The following FAM135B variants were observed in gnomAD, a reference collection of about 807,000 sequenced individuals.
The protein encoded by FAM135B is family with sequence similarity 135 member B, also known as protein FAM135B.
Under a neutral mutation model 127.7 loss-of-function variants are expected in FAM135B, and 43 were observed. The observed-to-expected ratio is 0.34, with a 90% CI of 0.26 to 0.43. FAM135B has a LOEUF of 0.43. Ranked by LOEUF, FAM135B falls within the 20% of genes least tolerant of loss-of-function variation. The pLI is 1.00. For missense variants in FAM135B, 1,558 were observed against 1,725.6 expected (o/e 0.90, Z 1.72); for synonymous variants, 670 against 665.1 (o/e 1.01, Z -0.11).
In FAM135B at chr8:138,177,423, G is replaced by A. The variant is rs1348775563; in HGVS notation, c.1030-3C>T. 6.2e-7 allele frequency: 1 copy of A among 1,612,294 alleles called. No homozygotes were observed. Among genetic ancestry groups the A allele is most frequent in the Admixed American group, 1.7e-5 (1 of 59,922 alleles). ...AAGGCCTCAGAAAACCTTCGGACCT[G>A]CAGAATAAAACAATGTAAACAGTTC... On this transcript the variant is annotated splice_polypyrimidine_tract_variant and splice_region_variant and intron_variant, in intron 10 of 19. Coordinates refer to ENST00000395297, the MANE Select transcript of FAM135B (RefSeq NM_015912.4).
chr8:138,394,091 G>A (rs1832735049), intron 1 of FAM135B, among the ~76,000 whole-genome samples: 2 of 152,274 alleles, frequency 1.3e-5, no homozygotes, highest in Middle Eastern at 6.8e-3. Context: ...CAGGGACTGT[G>A]GTCCTTCAGC....
Position 138,132,483 on chromosome 8 carries a change from C to T in FAM135B, c.*110G>A. ...CAGGTTCCACCCGAGCCTCCGTCCC[C>T]CAATGCTGTTGAAGCTTCATTCTGA... On this transcript the variant is annotated 3_prime_UTR_variant, in exon 20 of 20. Coordinates refer to ENST00000395297, the MANE Select transcript of FAM135B (RefSeq NM_015912.4). The surrounding 1 kb of genome is among the most constrained non-coding windows in gnomAD (Gnocchi z 4.5). 1 of 905,940 alleles carries T rather than the reference C, an allele frequency of 1.1e-6. No homozygotes were observed. Among genetic ancestry groups the T allele is most frequent in the Non-Finnish European group, 1.7e-6 (1 of 571,866 alleles). The allele number at this position is 905,940 out of a possible 1,614,324, so 56.1% of individuals were successfully genotyped here.
intron 15 of FAM135B, 150 bp from the exon 16 acceptor site, chr8:138,143,259 A>C (rs751598762): frequency 3.5e-5 from 20 of 573,304 alleles, no homozygotes; most frequent in Non-Finnish European, 5.6e-5. Context: ...ATATGACTTC[A>C]GGACAAAAGG....
rs1820841843 is a variant in FAM135B at position 138,242,163 on chromosome 8, CTTTG to C, written c.669+775_669+778del. The stretch of plus-strand genomic sequence containing the variant: ...TGAGTCAATTACTTATGATAAATCT[CTTTG>C]TGTGTGTGTGTGTGTGTGTGTGTGT... On this transcript the variant is annotated intron_variant, in intron 7 of 19. Coordinates refer to ENST00000395297, the MANE Select transcript of FAM135B (RefSeq NM_015912.4). The surrounding 1 kb of genome is among the most constrained non-coding windows in gnomAD (Gnocchi z 9.6). 8.4e-6 allele frequency among the ~76,000 whole-genome samples: 1 copy of C among 118,356 alleles called. No homozygotes were observed. Among genetic ancestry groups the C allele is most frequent in the Non-Finnish European group, 1.7e-5 (1 of 57,164 alleles). 77.6% of individuals were successfully genotyped at this position (118,356 alleles called of 152,430 possible).
chr8:138,490,752 G>A (rs6577928), intron 1 of FAM135B, among the ~76,000 whole-genome samples: 116,971 of 152,134 alleles, frequency 0.77, 46,082 homozygotes, highest in East Asian at 0.99. Context: ...ACTGTAAGTT[G>A]CAGTTATTCT....
At chr8:138,234,355 C>G (rs755900345) in intron 7 of FAM135B, among the ~76,000 whole-genome samples, 1 of 152,098 alleles carries the variant, frequency 6.6e-6, no homozygotes, top group Non-Finnish European at 1.5e-5. Flanking sequence ...TCCAGAAATC[C>G]CATTTCTGAA....
At chr8:138,180,147 A>T (rs1276991433) in intron 9 of FAM135B, among the ~76,000 whole-genome samples, 1 of 152,146 alleles carries the variant, frequency 6.6e-6, no homozygotes, top group Non-Finnish European at 1.5e-5. Context: ...AATTCTGGAG[A>T]GGTGAGAAGA....
intron 1 of FAM135B, among the ~76,000 whole-genome samples, chr8:138,471,008 G>A (rs536995539): frequency 6.6e-6 from 1 of 152,334 alleles, no homozygotes; most frequent in East Asian, 1.9e-4. Flanking sequence ...GGAAAGCACT[G>A]TGTGGGGCTG....
intron 1 of FAM135B, among the ~76,000 whole-genome samples, chr8:138,411,045 A>G (rs4288379): frequency 0.071 from 6,363 of 89,656 alleles, 1,312 homozygotes; most frequent in African/African-American, 0.21. Flanking sequence ...AATCTATATC[A>G]TGAAAATGGC....
rs138933310 is a variant in FAM135B, at chr8:138,288,723, G to A, written c.157+22118C>T. On this transcript the variant is annotated intron_variant, in intron 3 of 19. Transcript: ENST00000395297. ...CAAAATAATTTATGATGAAGAAAGAGTACAAGCAGATCAAAGTATTTTTCT... is the reference window on the plus strand; with the variant it reads ...CAAAATAATTTATGATGAAGAAAGAATACAAGCAGATCAAAGTATTTTTCT... Among the ~76,000 whole-genome samples the A allele has an allele frequency of 2.8e-3, 420 of 152,288 alleles. 1 individual carries two copies. Among genetic ancestry groups the A allele is most frequent in the African/African-American group, 9.6e-3 (398 of 41,552 alleles).
intron 4 of FAM135B, among the ~76,000 whole-genome samples, chr8:138,257,176 G>C (rs185985909): frequency 1.3e-5 from 2 of 152,276 alleles, no homozygotes; most frequent in East Asian, 3.9e-4. Context: ...GATTAAGTCA[G>C]AGCAATGTCA....
intron 7 of FAM135B, among the ~76,000 whole-genome samples, chr8:138,218,799 AGAGAGGGAGAG>A (rs1563783964): frequency 6.2e-4 from 13 of 20,930 alleles, no homozygotes; most frequent in African/African-American, 1.5e-3. Flanking sequence ...AGAGAGAGAG[AGAGAGGGAGAG>A]AAAGAGAGAG....
chr8:138,274,925 C>CAT (rs956058912), intron 3 of FAM135B, among the ~76,000 whole-genome samples: 2 of 10,100 alleles, frequency 2.0e-4, no homozygotes, highest in Admixed American at 1.3e-3. Flanking sequence ...TGCTCAAACA[C>CAT]ACGATGTACA....
intron 19 of FAM135B, among the ~76,000 whole-genome samples, chr8:138,134,175 A>G (rs1165652945): frequency 6.6e-6 from 1 of 152,188 alleles, no homozygotes; most frequent in Non-Finnish European, 1.5e-5. Context: ...TAAGTAAACC[A>G]TGCTTTGTGG....
chr8:138,403,986 T>C (rs1833305367), intron 1 of FAM135B, among the ~76,000 whole-genome samples: 2 of 152,162 alleles, frequency 1.3e-5, no homozygotes, highest in South Asian at 4.1e-4. Flanking sequence ...AACAATAGTA[T>C]TAAGGTTGAG....
chr8:138,329,852 G>C (rs1187775719), intron 2 of FAM135B, among the ~76,000 whole-genome samples: 1 of 152,150 alleles, frequency 6.6e-6, no homozygotes, highest in African/African-American at 2.4e-5. Flanking sequence ...CATGTAAGAA[G>C]ATCTGGGTCA....
At chr8:138,492,560 C>T (rs1368041222) in intron 1 of FAM135B, among the ~76,000 whole-genome samples, 2 of 152,136 alleles carry the variant, frequency 1.3e-5, no homozygotes, top group Non-Finnish European at 2.9e-5. Context: ...GAGGAAAAGA[C>T]TGGCTTGCAA....
At position 138,369,304 on chromosome 8, in the gene FAM135B, T is replaced by C. The variant is rs1185670670; in HGVS notation, c.-19-1302A>G. On this transcript the variant is annotated intron_variant, in intron 1 of 19. Transcript: ENST00000395297. ...TGGCAACTGGTGATTCACACTTGGG[T>C]CTCCTTCCAAAGCCCCTCTTACTGC... Among the ~76,000 whole-genome samples, 12 of 152,094 alleles carry C rather than the reference T, an allele frequency of 7.9e-5. No homozygotes were observed. The South Asian group carries it at 1.3e-3, about 16-fold the overall frequency.
intron 3 of FAM135B, among the ~76,000 whole-genome samples, chr8:138,291,542 A>G (rs1825112313): frequency 1.3e-5 from 2 of 152,206 alleles, no homozygotes; most frequent in Non-Finnish European, 2.9e-5. Context: ...AAATATTTTG[A>G]TCAAAATACT....
Sources: allele counts gnomAD v4.1 joint callset (sites outside exome capture counted in the v4.1 genomes callset), GRCh38; gene constraint gnomAD v4.1.1; non-coding constraint Gnocchi (gnomAD v3.1); transcripts MANE v1.5; gene names NCBI Gene and HGNC (gene_info 2026-07-23, HGNC 2026-07-21).